The following HMGA2 variants were observed in gnomAD, a reference collection of about 807,000 sequenced individuals.
HMGA2 encodes high mobility group AT-hook 2.
Under a neutral mutation model 19.1 loss-of-function variants are expected in HMGA2, and 8 were observed. The ratio of observed to expected loss-of-function variants is 0.42; its 90% CI spans 0.25 to 0.76. HMGA2 has a LOEUF of 0.76. Ranked by LOEUF, HMGA2 falls within the 30% of genes least tolerant of loss-of-function variation. The probability of loss-of-function intolerance (pLI) is 0.28; values close to 1 mark genes in which losing one functional copy is unlikely to be tolerated. For missense variants in HMGA2, 109 were observed against 136.3 expected, an observed-to-expected ratio of 0.80 and a Z score of 1.00; for synonymous variants, 60 against 48.8, an observed-to-expected ratio of 1.23 and a Z score of -0.96.
intron 3 of HMGA2, among the ~76,000 whole-genome samples, chr12:65,925,682 A>G (rs1327968662): frequency 6.6e-6 from 1 of 152,244 alleles, no homozygotes; most frequent in Non-Finnish European, 1.5e-5. Flanking sequence ...AAAATGAAAT[A>G]AAATGAAAAG....
In HMGA2 at chr12:65,964,765, G is replaced by T. The variant is rs1876860106; in HGVS notation, c.*1473G>T. 5.1e-6 allele frequency: 1 copy of T among 195,592 alleles called. No individual in the cohort carries two copies. Among genetic ancestry groups the T allele is most frequent in the African/African-American group, 2.3e-5 (1 of 43,156 alleles). The allele number at this position is 195,592 out of a possible 1,614,324, so 12.1% of individuals were successfully genotyped here. A position where few individuals can be genotyped will look rare whatever the true frequency, so the allele number is the denominator to read the frequency against. ...TTAATTAAAAATTTTTAAAATACTTGTTTCAGCTTCTCTGCTAGATTTCTA... is the reference window on the plus strand; with the variant it reads ...TTAATTAAAAATTTTTAAAATACTTTTTTCAGCTTCTCTGCTAGATTTCTA... On this transcript the variant is annotated 3_prime_UTR_variant, in exon 5 of 5. Transcript: ENST00000403681.
At chr12:65,915,561 A>G (rs1023249636) in intron 3 of HMGA2, 1 of 1,088,390 alleles carries the variant, frequency 9.2e-7, no homozygotes, top group Non-Finnish European at 1.1e-6. Context: ...GCCATGTAAT[A>G]TCACATGACT....
intron 4 of HMGA2, chr12:65,957,704 T>A (rs1021256941): frequency 1.3e-5 from 2 of 152,138 alleles, no homozygotes; most frequent in African/African-American, 4.8e-5. Context: ...ATTTCCAGAT[T>A]TTAAAAAAAT....
intron 3 of HMGA2, among the ~76,000 whole-genome samples, chr12:65,847,982 T>TA (rs1318638915): frequency 6.6e-6 from 1 of 152,208 alleles, no homozygotes; most frequent in Admixed American, 6.5e-5. Flanking sequence ...AGGTTTTTTT[T>TA]AAAAAGCACA....
At position 65,851,570 on chromosome 12, in the gene HMGA2, A is replaced by G. The variant is rs557471785; in HGVS notation, c.249+13001A>G. 863 of 383,696 alleles carry G rather than the reference A, an allele frequency of 2.2e-3. 3 individuals are homozygous for G. The highest frequency in any genetic ancestry group is 3.3e-3 in the Non-Finnish European group (640 of 191,208). The allele number at this position is 383,696 out of a possible 1,614,324, so 23.8% of individuals were successfully genotyped here. A position where few individuals can be genotyped will look rare whatever the true frequency, so the allele number is the denominator to read the frequency against. ...ACAGCTGTGGTGGCGGGCACCTGTAATTCCAGCGAGCAGCTTGAACTCAGG... is the reference window on the plus strand; with the variant it reads ...ACAGCTGTGGTGGCGGGCACCTGTAGTTCCAGCGAGCAGCTTGAACTCAGG... On this transcript the variant is annotated intron_variant, in intron 3 of 4. Coordinates refer to ENST00000403681, the MANE Select transcript of HMGA2 (RefSeq NM_003483.6).
intron 3 of HMGA2, among the ~76,000 whole-genome samples, chr12:65,921,919 G>A (rs1031977562): frequency 6.6e-6 from 1 of 152,248 alleles, no homozygotes; most frequent in African/African-American, 2.4e-5. Flanking sequence ...TTTGGCGAGT[G>A]GAAAACCCAA....
intron 3 of HMGA2, among the ~76,000 whole-genome samples, chr12:65,929,245 A>G (rs1454404387): frequency 6.6e-6 from 1 of 152,162 alleles, no homozygotes; most frequent in African/African-American, 2.4e-5. Flanking sequence ...TCCATACTCT[A>G]TAGTTCAGTG....
chr12:65,854,785 G>A (rs1871650131), intron 3 of HMGA2, among the ~76,000 whole-genome samples: 1 of 152,178 alleles, frequency 6.6e-6, no homozygotes, highest in Admixed American at 6.5e-5. Context: ...CACATCCCAT[G>A]ATGACATACA....
chr12:65,850,125 C>T (rs1305287391), intron 3 of HMGA2, among the ~76,000 whole-genome samples: 1 of 152,114 alleles, frequency 6.6e-6, no homozygotes, highest in Non-Finnish European at 1.5e-5. Context: ...TGCCTTCCAT[C>T]CTGTTTAGAC....
chr12:65,889,855 G>A (rs1873827686), intron 3 of HMGA2, among the ~76,000 whole-genome samples: 1 of 152,108 alleles, frequency 6.6e-6, no homozygotes, highest in Non-Finnish European at 1.5e-5. Context: ...AGGGCAGACT[G>A]GCTTCAGAAT....
At chr12:65,839,777 G>A (rs895624581) in intron 3 of HMGA2, among the ~76,000 whole-genome samples, 4 of 152,196 alleles carry the variant, frequency 2.6e-5, no homozygotes, top group East Asian at 1.9e-4. Flanking sequence ...ATCATCTAGC[G>A]TGCTTGATTA....
At chr12:65,929,405 A>C (rs1443078855) in intron 3 of HMGA2, among the ~76,000 whole-genome samples, 1 of 151,938 alleles carries the variant, frequency 6.6e-6, no homozygotes, top group Non-Finnish European at 1.5e-5. Context: ...AAAAAATTGA[A>C]AAAAAAGTAT....
At chr12:65,894,144 A>C (rs1371224919) in intron 3 of HMGA2, among the ~76,000 whole-genome samples, 1 of 152,048 alleles carries the variant, frequency 6.6e-6, no homozygotes, top group Non-Finnish European at 1.5e-5. Context: ...TATTCACTGC[A>C]TTTTTTTCTA....
At chr12:65,847,748 A>C (rs531238937) in intron 3 of HMGA2, among the ~76,000 whole-genome samples, 3 of 152,320 alleles carry the variant, frequency 2.0e-5, no homozygotes, top group Admixed American at 6.5e-5. Context: ...TTTATTCAGC[A>C]TGTGTCAAGC....
chr12:65,926,428 C>G (rs764646467), intron 3 of HMGA2, among the ~76,000 whole-genome samples: 11 of 152,138 alleles, frequency 7.2e-5, no homozygotes, highest in Non-Finnish European at 1.2e-4. Context: ...ATTAATGCCT[C>G]GGAGGTGGGG....
chr12:65,832,387 A>G (rs1421646048), intron 2 of HMGA2, among the ~76,000 whole-genome samples: 1 of 151,992 alleles, frequency 6.6e-6, no homozygotes. Context: ...CTGAACTTGA[A>G]GTCTCCTCAT....
intron 3 of HMGA2, among the ~76,000 whole-genome samples, chr12:65,884,933 GTTAA>G (rs1246178952): frequency 2.0e-5 from 3 of 152,120 alleles, no homozygotes; most frequent in African/African-American, 7.2e-5. Flanking sequence ...TGCTATATGT[GTTAA>G]TTAATTGTAT....
At chr12:65,901,397 G>C (rs2121176801) in intron 3 of HMGA2, among the ~76,000 whole-genome samples, 1 of 152,230 alleles carries the variant, frequency 6.6e-6, no homozygotes, top group Admixed American at 6.5e-5. Flanking sequence ...TTTACTTATT[G>C]ATATAAAGAA....
At chr12:65,901,571 TAGC>T (rs2121177267) in intron 3 of HMGA2, among the ~76,000 whole-genome samples, 1 of 152,310 alleles carries the variant, frequency 6.6e-6, no homozygotes, top group African/African-American at 2.4e-5. Context: ...TTGCAAGAAA[TAGC>T]AAGTGAAACA....
Sources: gnomAD v4.1 joint callset for allele counts (sites outside exome capture counted in the v4.1 genomes callset) on GRCh38, gnomAD v4.1.1 for gene constraint, MANE v1.5 for transcripts, NCBI Gene and HGNC (gene_info 2026-07-23, HGNC 2026-07-21) for gene names.